RRP12: variants seen among roughly 807,000 people sequenced by gnomAD.
The protein encoded by RRP12 is RRP12-like protein.
RRP12 carries 78 observed loss-of-function variants against 157.3 expected under a neutral mutation model. The ratio of observed to expected loss-of-function variants is 0.50; its 90% CI spans 0.41 to 0.60. The LOEUF is 0.60. Among genes scored for constraint, RRP12 ranks in the 20% least tolerant of loss-of-function variants. The pLI is 0.00. For synonymous variants in RRP12, 726 were observed against 670.9 expected (o/e 1.08, Z -1.27); for missense variants, 1,521 against 1,679.9 (o/e 0.91, Z 1.65).
intron 1 of RRP12, 32 bp downstream of exon 1, chr10:97,401,061 C>T (rs770597752): frequency 1.9e-5 from 30 of 1,608,200 alleles, no homozygotes; most frequent in Non-Finnish European, 2.3e-5. Context: ...GGAACCCCGC[C>T]CCCGGCTGCG....
chr10:97,399,418 T>C (rs967696059), intron 2 of RRP12, among the ~76,000 whole-genome samples: 23 of 152,184 alleles, frequency 1.5e-4, no homozygotes, highest in Admixed American at 1.2e-3. Context: ...AATGACCCAT[T>C]AACAGGAGCT....
At position 97,385,955 on chromosome 10, in the gene RRP12, G is replaced by A. The variant is rs978183684; in HGVS notation, c.1056C>T (p.Leu352=). 1 of 1,605,692 alleles carries A rather than the reference G, an allele frequency of 6.2e-7. No individual in the cohort carries two copies. Among genetic ancestry groups the A allele is most frequent in the African/African-American group, 1.3e-5 (1 of 74,802 alleles). ...TGCTCAGGCCAGGCCTGGCGTGGAA[G>A]AGGCTGTGAAAGGCCTGCATGGCAC... ...TACAMQAFHS[L]FHARPGLSTL... Residue 352 remains leucine (L), a synonymous_variant, in exon 9 of 34, where the codon CTC becomes CTT. Transcript: ENST00000370992.
chr10:97,363,399 A>G (rs1199767147), intron 30 of RRP12, among the ~76,000 whole-genome samples: 1 of 152,196 alleles, frequency 6.6e-6, no homozygotes, highest in Non-Finnish European at 1.5e-5. Flanking sequence ...CAGGGTTCAA[A>G]TTCCTGGTTT....
At position 97,388,341 on chromosome 10, in the gene RRP12, G is replaced by A. The variant is rs1178144840; in HGVS notation, c.928C>T (p.Leu310=). 1.2e-6 allele frequency: 2 copies of A among 1,613,984 alleles called. No homozygotes were observed. The highest frequency in any genetic ancestry group is 2.2e-5 in the South Asian group (2 of 91,084). ...AAGCAGGGCAGCAGGTCCTTCAGCA[G>A]CGTCAGCATGTGCAGCGTGGTGGTG... The part of the protein sequence containing the change: ...EATTTLHMLT[L]LKDLLPCFPE... The change falls in exon 8 of 34, where the codon CTG becomes TTG. Residue 310 remains leucine, a synonymous_variant. Transcript: ENST00000370992.
At chr10:97,389,194 C>T (rs913511287) in intron 6 of RRP12, among the ~76,000 whole-genome samples, 13 of 152,102 alleles carry the variant, frequency 8.5e-5, no homozygotes, top group African/African-American at 1.9e-4. Flanking sequence ...CCCAGGTTCA[C>T]GCCATTCTCC....
intron 4 of RRP12, 44 bp from the exon 5 acceptor site, chr10:97,390,888 G>A: frequency 2.3e-6 from 3 of 1,317,262 alleles, no homozygotes; most frequent in South Asian, 2.4e-5. Context: ...GGTCCCTGAA[G>A]AGCAGCTGGT....
At chr10:97,376,969 C>T (rs553339223) in intron 15 of RRP12, among the ~76,000 whole-genome samples, 61 of 151,616 alleles carry the variant, frequency 4.0e-4, no homozygotes, top group African/African-American at 1.4e-3. Flanking sequence ...AACCTCCGCC[C>T]CCCAGAGTCC....
At chr10:97,392,522 T>A (rs1844836612) in intron 4 of RRP12, among the ~76,000 whole-genome samples, 1 of 151,638 alleles carries the variant, frequency 6.6e-6, no homozygotes, top group Non-Finnish European at 1.5e-5. Context: ...GCTAATTTTG[T>A]ATTTTTAGTA....
intron 6 of RRP12, among the ~76,000 whole-genome samples, chr10:97,389,987 A>G (rs1202449159): frequency 1.3e-5 from 2 of 152,208 alleles, no homozygotes; most frequent in Admixed American, 1.3e-4. Context: ...TGCTGGGATT[A>G]CAGGCGTGAG....
chr10:97,393,325 T>C, intron 4 of RRP12: 1 of 449,810 alleles, frequency 2.2e-6, no homozygotes, highest in Non-Finnish European at 4.4e-6. Flanking sequence ...CTGCAGGCCC[T>C]ATAGACATGC....
intron 2 of RRP12, 152 bp downstream of exon 2, chr10:97,400,153 T>A (rs974246558): frequency 1.5e-6 from 1 of 657,276 alleles, no homozygotes; most frequent in Admixed American, 2.5e-5. Flanking sequence ...AAGTAGAACC[T>A]GCCCTAGGAG....
At chr10:97,377,183 G>A (rs540630085) in intron 15 of RRP12, among the ~76,000 whole-genome samples, 10 of 151,078 alleles carry the variant, frequency 6.6e-5, no homozygotes, top group South Asian at 4.3e-4. Flanking sequence ...CCCAGCCCAC[G>A]GTACGTATGA....
At chr10:97,384,805 T>C (rs558456889) in intron 10 of RRP12, among the ~76,000 whole-genome samples, 89 of 124,826 alleles carry the variant, frequency 7.1e-4, no homozygotes, top group African/African-American at 2.6e-3. Context: ...GGACAGAGGC[T>C]CTGAGAACTC....
intron 30 of RRP12, among the ~76,000 whole-genome samples, chr10:97,362,084 C>T (rs1589409723): frequency 7.4e-6 from 1 of 134,370 alleles, no homozygotes; most frequent in African/African-American, 2.9e-5. Context: ...TCCAGCCTGG[C>T]GAAAAAGTGA....
At chr10:97,379,573 C>G (rs1844405342) in intron 14 of RRP12, 55 bp downstream of exon 14, 2 of 1,604,140 alleles carry the variant, frequency 1.2e-6, no homozygotes, top group Non-Finnish European at 8.5e-7. Flanking sequence ...ACATCCTTTC[C>G]AGGGGAGAGA....
chr10:97,367,019 C>G (rs200982551), intron 26 of RRP12, 22 bp downstream of exon 26: 2 of 1,613,076 alleles, frequency 1.2e-6, no homozygotes, highest in Middle Eastern at 1.6e-4. Flanking sequence ...GCCCTACCCC[C>G]GCCCCTGCTC....
At chr10:97,370,042 TG>T in intron 24 of RRP12, 124 bp downstream of exon 24, 1 of 683,492 alleles carries the variant, frequency 1.5e-6, no homozygotes, top group Non-Finnish European at 2.5e-6. Context: ...CAAACTGGGC[TG>T]GGTGTGGCTT....
At chr10:97,401,368 A>T (rs1048015167), upstream of RRP12, 8 of 1,141,856 alleles carry the variant, frequency 7.0e-6, no homozygotes, top group Admixed American at 4.6e-5. Context: ...CGTGTGCATT[A>T]CTATGGTAAA....
intron 15 of RRP12, among the ~76,000 whole-genome samples, chr10:97,377,903 GA>G: frequency 6.6e-6 from 1 of 150,792 alleles, no homozygotes; most frequent in South Asian, 2.1e-4. Flanking sequence ...GACAGCGGAT[GA>G]AATAGTTTAG....
Sources: allele counts gnomAD v4.1 joint callset (sites outside exome capture counted in the v4.1 genomes callset), GRCh38; gene constraint gnomAD v4.1.1; transcripts MANE v1.5; gene names NCBI Gene and HGNC (gene_info 2026-07-23, HGNC 2026-07-21).